WWC2: variants seen among roughly 807,000 people sequenced by gnomAD.
The protein encoded by WWC2 is WW and C2 domain containing 2, also known as protein WWC2.
WWC2 carries 101 observed loss-of-function variants against 138.5 expected under a neutral mutation model. The observed-to-expected ratio is 0.73, with a 90% CI of 0.62 to 0.86. The LOEUF (loss-of-function observed/expected upper bound fraction) is 0.86. Ranked by LOEUF, WWC2 falls within the 40% of genes least tolerant of loss-of-function variation. The pLI, the probability that WWC2 is intolerant of heterozygous loss-of-function variation, is 0.00. For missense variants in WWC2, 1,420 were observed against 1,419.4 expected (o/e 1.00, Z -0.01); for synonymous variants, 558 against 538.4 (o/e 1.04, Z -0.50).
At chr4:183,268,540 T>C (rs1490989522) in intron 14 of WWC2, among the ~76,000 whole-genome samples, 1 of 152,186 alleles carries the variant, frequency 6.6e-6, no homozygotes, top group Non-Finnish European at 1.5e-5. Context: ...ATCATCAGCA[T>C]CTCTTGTTTA....
chr4:183,276,817 A>G (rs1394496532), intron 16 of WWC2, among the ~76,000 whole-genome samples: 3 of 150,318 alleles, frequency 2.0e-5, no homozygotes, highest in African/African-American at 7.3e-5. Flanking sequence ...TCATTTGTGA[A>G]GGATAGTTTT....
Position 183,120,000 on chromosome 4 carries a change from A to G in WWC2, c.131+20378A>G, listed in dbSNP as rs1482817800. On this transcript the variant is annotated intron_variant, in intron 1 of 22. Coordinates refer to ENST00000403733, the MANE Select transcript of WWC2 (RefSeq NM_024949.6). ...TTATTGGGTTTTTTAAAAACCCACA[A>G]CGGAAATGGAAATCATTTAAACAGC... Among the ~76,000 whole-genome samples, 8 of 152,240 alleles carry G rather than the reference A, an allele frequency of 5.3e-5. 1 individual carries two copies. The highest frequency in any genetic ancestry group is 8.8e-5 in the Non-Finnish European group (6 of 68,042).
intron 1 of WWC2, among the ~76,000 whole-genome samples, chr4:183,122,263 G>T (rs932050978): frequency 3.3e-5 from 5 of 152,136 alleles, no homozygotes; most frequent in Non-Finnish European, 7.4e-5. Flanking sequence ...CCATCTGTTA[G>T]TATATTAAAA....
At chr4:183,223,629 A>G (rs1398916571) in intron 4 of WWC2, among the ~76,000 whole-genome samples, 2 of 152,080 alleles carry the variant, frequency 1.3e-5, no homozygotes, top group Non-Finnish European at 2.9e-5. Context: ...TTGTTTTTCT[A>G]TTGGCTTTTT....
At chr4:183,246,721 G>T (rs958136124) in intron 6 of WWC2, among the ~76,000 whole-genome samples, 1 of 152,194 alleles carries the variant, frequency 6.6e-6, no homozygotes, top group African/African-American at 2.4e-5. Flanking sequence ...TAAGTAGCAA[G>T]ACTATGGTTC....
At chr4:183,118,991 G>A (rs1732513529) in intron 1 of WWC2, among the ~76,000 whole-genome samples, 1 of 150,502 alleles carries the variant, frequency 6.6e-6, no homozygotes, top group Non-Finnish European at 1.5e-5. Context: ...GACTCCTTTT[G>A]TCCTGATGGT....
intron 2 of WWC2, among the ~76,000 whole-genome samples, chr4:183,199,644 A>G (rs1735247973): frequency 6.6e-6 from 1 of 152,230 alleles, no homozygotes; most frequent in South Asian, 2.1e-4. Flanking sequence ...CATTTGATTT[A>G]TTCTTCCTAA....
At chr4:183,107,925 T>C (rs1178348231) in intron 1 of WWC2, among the ~76,000 whole-genome samples, 2 of 152,076 alleles carry the variant, frequency 1.3e-5, no homozygotes, top group East Asian at 3.8e-4. Flanking sequence ...TTTCTCTATA[T>C]TCCTATATTT....
At position 183,284,229 on chromosome 4, in the gene WWC2, G is replaced by A; in HGVS notation, c.2887G>A (p.Asp963Asn). Residue 963 changes from aspartate (D) to asparagine (N), a missense_variant, in exon 19 of 23, where the codon GAC becomes AAC. Transcript: ENST00000403733. ...QPPTRIPTLV[D>N]KETNTDEAAN... Reference sequence around the variant, plus strand: ...AAATTGTTAACTTCTCTTATAGGTTGACAAAGAGACAAACACTGATGAAGC... The same window carrying A: ...AAATTGTTAACTTCTCTTATAGGTTAACAAAGAGACAAACACTGATGAAGC... 1 of 1,613,390 alleles carries A rather than the reference G, an allele frequency of 6.2e-7. No individual in the cohort carries two copies. The highest frequency in any genetic ancestry group is 8.5e-7 in the Non-Finnish European group (1 of 1,179,462).
intron 21 of WWC2, among the ~76,000 whole-genome samples, chr4:183,309,251 ATAATTTAAAACT>A (rs1560898654): frequency 6.6e-6 from 1 of 152,230 alleles, no homozygotes; most frequent in Non-Finnish European, 1.5e-5. Context: ...GGACTTCGTT[ATAATTTAAAACT>A]TCTCTGTGAA....
At chr4:183,256,845 G>C (rs939807918) in intron 9 of WWC2, among the ~76,000 whole-genome samples, 1 of 144,490 alleles carries the variant, frequency 6.9e-6, no homozygotes, top group Admixed American at 7.0e-5. Flanking sequence ...GAAGGAGCTA[G>C]ATGCACATGA....
intron 1 of WWC2, among the ~76,000 whole-genome samples, chr4:183,102,690 C>CCCA (rs1317910699): frequency 6.6e-6 from 1 of 152,072 alleles, no homozygotes; most frequent in African/African-American, 2.4e-5. Context: ...TAGGCTAATC[C>CCCA]TGGGGAAATC....
chr4:183,149,675 T>G (rs1733584990), intron 1 of WWC2, among the ~76,000 whole-genome samples: 1 of 151,428 alleles, frequency 6.6e-6, no homozygotes, highest in Non-Finnish European at 1.5e-5. Flanking sequence ...TCTCTCTTTT[T>G]TTTTTTTTTT....
chr4:183,301,717 AT>A (rs1255551634), intron 21 of WWC2, among the ~76,000 whole-genome samples: 2 of 152,086 alleles, frequency 1.3e-5, no homozygotes, highest in African/African-American at 2.4e-5. Flanking sequence ...GAATATTTTA[AT>A]TTTTTTTAAA....
intron 1 of WWC2, among the ~76,000 whole-genome samples, chr4:183,100,426 C>T (rs1285407552): frequency 6.6e-6 from 1 of 152,064 alleles, no homozygotes; most frequent in Admixed American, 6.6e-5. Context: ...ATTTTTTTTA[C>T]CCTTAAAATT....
At chr4:183,124,061 G>C (rs1326672532) in intron 1 of WWC2, among the ~76,000 whole-genome samples, 1 of 152,150 alleles carries the variant, frequency 6.6e-6, no homozygotes, top group Admixed American at 6.6e-5. Flanking sequence ...GTAGAATTCA[G>C]ATTTATAGAT....
intron 1 of WWC2, among the ~76,000 whole-genome samples, chr4:183,137,970 G>C (rs1311859212): frequency 6.6e-6 from 1 of 152,144 alleles, no homozygotes; most frequent in African/African-American, 2.4e-5. Context: ...ATTTTTAATA[G>C]AACTTTGTAT....
intron 2 of WWC2, among the ~76,000 whole-genome samples, chr4:183,200,355 A>G (rs1365924438): frequency 6.6e-6 from 1 of 152,218 alleles, no homozygotes; most frequent in South Asian, 2.1e-4. Context: ...CTGAGAGTAC[A>G]TATCTTATAA....
rs17074542 is a variant in WWC2 at position 183,265,641 on chromosome 4, T to C, written c.2040-47T>C. 4.1e-3 allele frequency: 6,363 copies of C among 1,549,824 alleles called. 212 individuals are homozygous for C. In the African/African-American group the frequency reaches 0.071, roughly 17 times the overall value. On this transcript the variant is annotated intron_variant, in intron 12 of 22. Coordinates refer to ENST00000403733, the MANE Select transcript of WWC2 (RefSeq NM_024949.6). ...AGTGGCAAACTGTTAACCATAACAATCGATAACCCCATTAATTAACTGTTC... is the reference window on the plus strand; with the variant it reads ...AGTGGCAAACTGTTAACCATAACAACCGATAACCCCATTAATTAACTGTTC...
Sources: allele counts gnomAD v4.1 joint callset (sites outside exome capture counted in the v4.1 genomes callset), GRCh38; gene constraint gnomAD v4.1.1; transcripts MANE v1.5; gene names NCBI Gene and HGNC (gene_info 2026-07-23, HGNC 2026-07-21).